The following PI4K2B variants were observed in gnomAD, a reference collection of about 807,000 sequenced individuals.
The protein encoded by PI4K2B is phosphatidylinositol 4-kinase type 2 beta, also known as phosphatidylinositol 4-kinase type 2-beta.
PI4K2B carries 46 observed loss-of-function variants against 56.6 expected under a neutral mutation model. The ratio of observed to expected loss-of-function variants is 0.81; its 90% CI spans 0.64 to 1.04. The LOEUF (loss-of-function observed/expected upper bound fraction) is 1.04. Among genes scored for constraint, PI4K2B ranks in the 50% least tolerant of loss-of-function variants. The pLI is 0.00. For missense variants in PI4K2B, 556 were observed against 607.7 expected, an observed-to-expected ratio of 0.91 and a Z score of 0.89; for synonymous variants, 211 against 223.8, an observed-to-expected ratio of 0.94 and a Z score of 0.51.
intron 9 of PI4K2B, among the ~76,000 whole-genome samples, chr4:25,273,056 C>A (rs576134872): frequency 1.3e-5 from 2 of 152,138 alleles, no homozygotes; most frequent in East Asian, 3.9e-4. Context: ...TTGTAGTAAG[C>A]CGTTAGTTTT....
chr4:25,246,421 T>G (rs1164923586), intron 1 of PI4K2B, among the ~76,000 whole-genome samples: 2 of 152,178 alleles, frequency 1.3e-5, no homozygotes, highest in African/African-American at 4.8e-5. Context: ...CCCACTAGAT[T>G]AGCTAGATAC....
chr4:25,254,347 T>G, intron 2 of PI4K2B: 22 of 758,476 alleles, frequency 2.9e-5, no homozygotes, highest in Non-Finnish European at 3.4e-5. Flanking sequence ...ATTTAATAGA[T>G]AGTGAATAAT....
intron 1 of PI4K2B, among the ~76,000 whole-genome samples, chr4:25,239,950 T>C (rs1715446872): frequency 6.6e-6 from 1 of 152,218 alleles, no homozygotes; most frequent in Non-Finnish European, 1.5e-5. Context: ...TGCCAGCAGG[T>C]TGGTCCAGGG....
At chr4:25,275,628 C>T (rs1717065065) in intron 9 of PI4K2B, among the ~76,000 whole-genome samples, 1 of 151,966 alleles carries the variant, frequency 6.6e-6, no homozygotes, top group Admixed American at 6.6e-5. Context: ...CTCTGCACTC[C>T]AGCCTGGGTG....
chr4:25,262,792 T>G lies in PI4K2B; in HGVS notation c.979-958T>G, dbSNP rs80289865. Among the ~76,000 whole-genome samples, 596 of 152,298 alleles carry G rather than the reference T, an allele frequency of 3.9e-3. 2 individuals carry two copies. The highest frequency in any genetic ancestry group is 6.0e-3 in the Non-Finnish European group (405 of 68,034). ...CTAAAGATAGTTGAGCTTGATAAAT[T>G]ACCTTCCGCAGAAATACTCTTTAAC... On this transcript the variant is annotated intron_variant, in intron 6 of 9. Coordinates refer to ENST00000264864, the MANE Select transcript of PI4K2B (RefSeq NM_018323.4).
chr4:25,269,213 CT>C lies in PI4K2B; in HGVS notation c.1272+15del. On this transcript the variant is annotated intron_variant, in intron 9 of 9. Transcript: ENST00000264864. ...TGTGATGAGGGGTCAGGTAAGTTAC[CT>C]TTTTATTTGTTCATAAGGAAAAAAA... 3.4e-6 allele frequency: 5 copies of C among 1,466,228 alleles called. No homozygotes were observed. The highest frequency in any genetic ancestry group is 4.8e-6 in the Non-Finnish European group (5 of 1,049,528). The allele number at this position is 1,466,228 out of a possible 1,614,324, so 90.8% of individuals were successfully genotyped here. A position where few individuals can be genotyped will look rare whatever the true frequency, so the allele number is the denominator to read the frequency against.
chr4:25,275,959 C>A (rs1048530839), intron 9 of PI4K2B, among the ~76,000 whole-genome samples: 7 of 152,108 alleles, frequency 4.6e-5, no homozygotes, highest in Non-Finnish European at 1.0e-4. Context: ...GTCAATCAAT[C>A]AATCAATCAA....
At chr4:25,250,400 A>G (rs1229553809) in intron 1 of PI4K2B, 2 of 152,200 alleles carry the variant, frequency 1.3e-5, no homozygotes, top group Non-Finnish European at 2.9e-5. Flanking sequence ...AATGATGAGA[A>G]CACACAGACA....
At chr4:25,251,808 G>GTTA (rs1716061899) in intron 1 of PI4K2B, among the ~76,000 whole-genome samples, 1 of 71,048 alleles carries the variant, frequency 1.4e-5, no homozygotes, top group East Asian at 2.3e-4. Context: ...TTCCTCCCAT[G>GTTA]TTGTTGTTGT....
chr4:25,259,272 CTT>C, intron 5 of PI4K2B, 82 bp downstream of exon 5: 1 of 996,872 alleles, frequency 1.0e-6, no homozygotes. Context: ...AAGCGGTAAA[CTT>C]TTGTTGCAGA....
At chr4:25,240,788 T>A (rs1218520849) in intron 1 of PI4K2B, among the ~76,000 whole-genome samples, 1 of 152,234 alleles carries the variant, frequency 6.6e-6, no homozygotes, top group African/African-American at 2.4e-5. Context: ...TCTGACTCTC[T>A]GACTTTGTGT....
At chr4:25,254,305 G>C (rs1716173368) in intron 2 of PI4K2B, 2 of 411,102 alleles carry the variant, frequency 4.9e-6, no homozygotes, top group Non-Finnish European at 6.5e-6. Flanking sequence ...CATTAATGTG[G>C]GGAAAGTAAA....
chr4:25,239,716 G>A (rs1346125930), intron 1 of PI4K2B, among the ~76,000 whole-genome samples: 2 of 152,224 alleles, frequency 1.3e-5, no homozygotes, highest in African/African-American at 2.4e-5. Flanking sequence ...CCTCAAGTGC[G>A]GCCAGAGTGG....
intron 7 of PI4K2B, among the ~76,000 whole-genome samples, chr4:25,264,196 G>A (rs1716582310): frequency 6.6e-6 from 1 of 152,042 alleles, no homozygotes; most frequent in African/African-American, 2.4e-5. Context: ...AAACAATTTA[G>A]GCCTGCCCTC....
Position 25,269,149 on chromosome 4 carries a change from C to G in PI4K2B, c.1218C>G (p.Asp406Glu), listed in dbSNP as rs766125111. The G allele has an allele frequency of 6.4e-7, 1 of 1,562,568 alleles. No homozygotes were observed. The highest frequency in any genetic ancestry group is 8.8e-7 in the Non-Finnish European group (1 of 1,135,096). Residue 406 changes from aspartate to glutamate, a missense_variant, in exon 9 of 10, where the codon GAC (aspartate) becomes GAG (glutamate). Asp to Glu is a conservative substitution (Grantham distance 45). Transcript: ENST00000264864. ...CEDLYELFKTDKGFDKATFES... is the reference protein window; with the variant it reads ...CEDLYELFKTEKGFDKATFES... ...TTTTTTCCTTTCTATAATAGACTGA[C>G]AAAGGATTTGACAAAGCCACTTTTG...
rs28728170 is a variant in PI4K2B at position 25,238,851 on chromosome 4, T to C, written c.268+4420T>C. Among the ~76,000 whole-genome samples the C allele has an allele frequency of 2.7e-3, 405 of 152,322 alleles. 2 individuals carry two copies. The highest frequency in any genetic ancestry group is 9.3e-3 in the African/African-American group (387 of 41,570). On this transcript the variant is annotated intron_variant, in intron 1 of 9. Transcript: ENST00000264864. Reference sequence around the variant, plus strand: ...GAAGGGGACCTGAGCAGGTTGCCACTGCTGGTTCGGGCAGCCTGCTTTTAT... The same window carrying C: ...GAAGGGGACCTGAGCAGGTTGCCACCGCTGGTTCGGGCAGCCTGCTTTTAT...
intron 9 of PI4K2B, 133 bp from the exon 10 acceptor site, chr4:25,276,881 A>G (rs1404664014): frequency 1.5e-5 from 20 of 1,360,546 alleles, no homozygotes; most frequent in South Asian, 2.1e-5. Flanking sequence ...TATAACAGGT[A>G]CTTATCTTCA....
rs978612260 is a variant in PI4K2B at position 25,259,088 on chromosome 4, C to A, written c.808C>A (p.Leu270Ile). The A allele has an allele frequency of 1.3e-6, 2 of 1,591,920 alleles. No homozygotes were observed. Among genetic ancestry groups the A allele is most frequent in the Admixed American group, 3.4e-5 (2 of 59,694 alleles). ...VEGYKEAEYWLRKFEADPLPE... is the reference protein window; with the variant it reads ...VEGYKEAEYWIRKFEADPLPE... ...AGGTTACAAGGAGGCTGAATATTGG[C>A]TTAGGAAATTTGAAGCTGACCCTTT... Residue 270 changes from leucine to isoleucine, a missense_variant, in exon 5 of 10, where the codon CTT becomes ATT. Coordinates refer to ENST00000264864, the MANE Select transcript of PI4K2B (RefSeq NM_018323.4).
Position 25,234,520 on chromosome 4 carries a change from C to G in PI4K2B, c.268+89C>G, listed in dbSNP as rs1009459545. ...GGTCCTGTCTCCCGCGCGCGCTGGCCGAGGTGGACGGGCTTTCCCCGCTCG... is the reference window on the plus strand; with the variant it reads ...GGTCCTGTCTCCCGCGCGCGCTGGCGGAGGTGGACGGGCTTTCCCCGCTCG... On this transcript the variant is annotated intron_variant, in intron 1 of 9. Transcript: ENST00000264864. 4.2e-6 allele frequency: 4 copies of G among 941,970 alleles called. No homozygotes were observed. In the African/African-American group the frequency reaches 5.1e-5, roughly 12 times the overall value. 58.4% of individuals were successfully genotyped at this position (941,970 alleles called of 1,614,324 possible).
Sources: gnomAD v4.1 joint callset for allele counts (sites outside exome capture counted in the v4.1 genomes callset) on GRCh38, gnomAD v4.1.1 for gene constraint, MANE v1.5 for transcripts, NCBI Gene and HGNC (gene_info 2026-07-23, HGNC 2026-07-21) for gene names.